The following MEI4 variants were observed in gnomAD, a reference collection of about 807,000 sequenced individuals.
MEI4 encodes the protein meiosis-specific protein MEI4.
A neutral mutation model predicts 31.4 loss-of-function variants in MEI4; 27 were observed. The observed-to-expected ratio is 0.86, with a 90% confidence interval of 0.63 to 1.19. The LOEUF is 1.19. Among genes scored for constraint, MEI4 ranks in the 50% most tolerant of loss-of-function variants. The pLI, the probability that MEI4 is intolerant of heterozygous loss-of-function variation, is 0.00. For synonymous variants in MEI4, 122 were observed against 145.4 expected, an observed-to-expected ratio of 0.84 and a Z score of 1.16; for missense variants, 329 against 398.9, an observed-to-expected ratio of 0.82 and a Z score of 1.49.
chr6:77,867,672 G>C (rs1039417304), intron 4 of MEI4, among the ~76,000 whole-genome samples: 1 of 152,100 alleles, frequency 6.6e-6, no homozygotes, highest in Non-Finnish European at 1.5e-5. Context: ...TTCCTCAGGG[G>C]TCTAGAACTA....
intron 2 of MEI4, among the ~76,000 whole-genome samples, chr6:77,693,870 C>T (rs1180067727): frequency 1.3e-5 from 2 of 151,966 alleles, no homozygotes; most frequent in East Asian, 3.9e-4. Flanking sequence ...CTAGAATTTT[C>T]AGTGTTGTTT....
intron 4 of MEI4, among the ~76,000 whole-genome samples, chr6:77,921,914 A>T (rs1286279196): frequency 6.6e-6 from 1 of 151,780 alleles, no homozygotes; most frequent in Non-Finnish European, 1.5e-5. Flanking sequence ...TCACTGTAAC[A>T]GATAAAGTAA....
rs150534219 is a variant in MEI4 at position 77,915,270 on chromosome 6, T to A, written c.901-7819T>A. Among the ~76,000 whole-genome samples the A allele has an allele frequency of 1.4e-3, 212 of 152,224 alleles. 1 individual carries two copies. The highest frequency in any genetic ancestry group is 4.5e-3 in the African/African-American group (186 of 41,564). On this transcript the variant is annotated intron_variant, in intron 4 of 4. Coordinates refer to ENST00000684080, the MANE Select transcript of MEI4 (RefSeq NM_001322247.2). The stretch of plus-strand genomic sequence containing the variant: ...GTGTATTTCCATAATGGTAGATATC[T>A]TCATTTCACTTCTGGTTGTAGGACT...
chr6:77,735,210 A>G (rs1369132635), intron 2 of MEI4, among the ~76,000 whole-genome samples: 4 of 151,950 alleles, frequency 2.6e-5, no homozygotes, highest in African/African-American at 9.7e-5. Flanking sequence ...GTTCTCCTGG[A>G]TAATATCCTG....
intron 3 of MEI4, among the ~76,000 whole-genome samples, chr6:77,767,041 G>A (rs1768193386): frequency 1.3e-5 from 2 of 152,232 alleles, no homozygotes; most frequent in Non-Finnish European, 1.5e-5. Flanking sequence ...TATAAAGGAA[G>A]TCTAAGGTTA....
intron 2 of MEI4, among the ~76,000 whole-genome samples, chr6:77,751,325 A>C (rs577469739): frequency 6.6e-6 from 1 of 152,232 alleles, no homozygotes; most frequent in East Asian, 1.9e-4. Context: ...AAACTTGGTG[A>C]ATCCAGGAGG....
At chr6:77,688,423 TG>T (rs2127651637) in intron 1 of MEI4, among the ~76,000 whole-genome samples, 1 of 152,244 alleles carries the variant, frequency 6.6e-6, no homozygotes, top group Non-Finnish European at 1.5e-5. Context: ...CAAATGACCC[TG>T]ACCTTGATAT....
chr6:77,868,663 A>C (rs901737509), intron 4 of MEI4, among the ~76,000 whole-genome samples: 4 of 151,420 alleles, frequency 2.6e-5, no homozygotes, highest in African/African-American at 9.7e-5. Flanking sequence ...AGATGTTGAA[A>C]GTGATCAAAA....
intron 4 of MEI4, among the ~76,000 whole-genome samples, chr6:77,874,888 G>T (rs545973400): frequency 1.3e-5 from 2 of 152,292 alleles, no homozygotes; most frequent in East Asian, 3.9e-4. Context: ...CTTTGGTTCT[G>T]TTTATATGCT....
At chr6:77,886,513 C>A (rs1440411733) in intron 4 of MEI4, among the ~76,000 whole-genome samples, 1 of 152,112 alleles carries the variant, frequency 6.6e-6, no homozygotes, top group Non-Finnish European at 1.5e-5. Context: ...TTACTGCAAC[C>A]TCTGCCTTTC....
At chr6:77,840,223 T>C (rs557540499) in intron 4 of MEI4, among the ~76,000 whole-genome samples, 1 of 152,278 alleles carries the variant, frequency 6.6e-6, no homozygotes, top group African/African-American at 2.4e-5. Flanking sequence ...AAATAAAATA[T>C]TCCCTGGATG....
At chr6:77,762,368 CTT>C (rs1390217692) in intron 3 of MEI4, among the ~76,000 whole-genome samples, 1 of 152,090 alleles carries the variant, frequency 6.6e-6, no homozygotes, top group Non-Finnish European at 1.5e-5. Flanking sequence ...TTGTTTGGCT[CTT>C]GAGACATGAT....
At chr6:77,664,114 G>T (rs1768573048) in intron 1 of MEI4, among the ~76,000 whole-genome samples, 1 of 152,208 alleles carries the variant, frequency 6.6e-6, no homozygotes, top group East Asian at 1.9e-4. Context: ...GCTGGGGTTT[G>T]TCTCACAGTG....
chr6:77,696,441 C>G (rs540171581), intron 2 of MEI4, among the ~76,000 whole-genome samples: 1 of 152,240 alleles, frequency 6.6e-6, no homozygotes, highest in East Asian at 1.9e-4. Flanking sequence ...TACGTCCCAT[C>G]AATACCTAAT....
chr6:77,796,942 A>G (rs1769093087), intron 3 of MEI4, among the ~76,000 whole-genome samples: 1 of 152,184 alleles, frequency 6.6e-6, no homozygotes, highest in African/African-American at 2.4e-5. Context: ...AAACTATATC[A>G]TAAAAAGTGA....
intron 4 of MEI4, among the ~76,000 whole-genome samples, chr6:77,918,919 A>C (rs1005782018): frequency 2.6e-5 from 4 of 152,042 alleles, no homozygotes; most frequent in African/African-American, 9.6e-5. Context: ...CATAGATAGC[A>C]CTTATTATTT....
intron 2 of MEI4, among the ~76,000 whole-genome samples, chr6:77,743,212 A>G (rs9341689): frequency 0.23 from 34,982 of 151,994 alleles, 4,694 homozygotes; most frequent in African/African-American, 0.38. Context: ...TACCTTGGGC[A>G]GTATGGCCAT....
chr6:77,906,978 G>A (rs1766310603), intron 4 of MEI4, among the ~76,000 whole-genome samples: 2 of 151,958 alleles, frequency 1.3e-5, no homozygotes, highest in Admixed American at 6.6e-5. Context: ...TACAGCGTCT[G>A]AGACATTTAT....
At chr6:77,749,871 T>A (rs556426562) in intron 2 of MEI4, among the ~76,000 whole-genome samples, 2 of 152,072 alleles carry the variant, frequency 1.3e-5, no homozygotes, top group Admixed American at 6.6e-5. Flanking sequence ...GCCTGAGAGA[T>A]AGGTTGGGTT....
Sources: allele counts gnomAD v4.1 joint callset (sites outside exome capture counted in the v4.1 genomes callset), GRCh38; gene constraint gnomAD v4.1.1; transcripts MANE v1.5; gene names NCBI Gene and HGNC (gene_info 2026-07-23, HGNC 2026-07-21).